The following ATG13 variants were observed in gnomAD, a reference collection of about 807,000 sequenced individuals.
The protein encoded by ATG13 is autophagy-related protein 13.
In ATG13, 23 loss-of-function variants were observed where a neutral mutation model predicts 65.5. That is an observed-to-expected ratio of 0.35 (90% CI 0.25 to 0.50). The LOEUF is 0.50. Among genes scored for constraint, ATG13 ranks in the 20% least tolerant of loss-of-function variants. The probability of loss-of-function intolerance (pLI) is 0.98; values close to 1 mark genes in which losing one functional copy is unlikely to be tolerated. For missense variants in ATG13, 566 were observed against 677.0 expected (o/e 0.84, Z 1.82); for synonymous variants, 252 against 245.2 (o/e 1.03, Z -0.26).
intron 11 of ATG13, 94 bp downstream of exon 11, chr11:46,659,579 A>T: frequency 2.0e-6 from 2 of 1,002,208 alleles, no homozygotes; most frequent in Middle Eastern, 2.1e-4. Context: ...ATCCCTTTTA[A>T]TAGTGGTGGT....
intron 2 of ATG13, among the ~76,000 whole-genome samples, chr11:46,634,380 T>TTTTTCTTTTTAATTTAATTTAG (rs1429816385): frequency 1.3e-5 from 2 of 151,348 alleles, no homozygotes; most frequent in African/African-American, 4.8e-5. Context: ...TTGGATTCTT[T>TTTTTCTTTTTAATTTAATTTAG]TTTTCTTTTT....
At chr11:46,656,854 C>T in intron 8 of ATG13, 2 of 483,692 alleles carry the variant, frequency 4.1e-6, no homozygotes, top group Non-Finnish European at 3.6e-6. Context: ...GTGCTGTTTC[C>T]CTTGCCAATA....
chr11:46,644,141 T>C, intron 2 of ATG13, 138 bp from the exon 3 acceptor site: 1 of 550,808 alleles, frequency 1.8e-6, no homozygotes, highest in East Asian at 3.1e-5. Flanking sequence ...TTTGGTATCT[T>C]TAGTTAAAGG....
Position 46,665,302 on chromosome 11 carries a change from G to A in ATG13, c.1000-81G>A. 3 of 1,519,800 alleles carry A rather than the reference G, an allele frequency of 2.0e-6. No homozygotes were observed. The South Asian group carries it at 3.6e-5, about 18-fold the overall frequency. 94.1% of individuals were successfully genotyped at this position (1,519,800 alleles called of 1,614,324 possible). On this transcript the variant is annotated intron_variant, in intron 13 of 18. Coordinates refer to ENST00000683050, the MANE Select transcript of ATG13 (RefSeq NM_001346311.2). ...GTTGGTGATGGAAAAGTCAAAAGCA[G>A]ATACCATCATGCTAGAATGTGAAGT... is the stretch of plus-strand genomic sequence containing the variant.
At chr11:46,664,120 G>C in intron 12 of ATG13, 25 bp downstream of exon 12, 6 of 1,441,734 alleles carry the variant, frequency 4.2e-6, no homozygotes, top group Non-Finnish European at 4.7e-6. Flanking sequence ...GGAAGAAGGG[G>C]ATATAATCAG....
intron 1 of ATG13, among the ~76,000 whole-genome samples, chr11:46,629,100 G>C (rs2050759614): frequency 6.6e-6 from 1 of 151,926 alleles, no homozygotes; most frequent in Admixed American, 6.6e-5. Context: ...GCGCCACCAT[G>C]CCTGGCTAAT....
intron 11 of ATG13, 39 bp downstream of exon 11, chr11:46,659,524 G>A (rs2060722775): frequency 6.6e-7 from 1 of 1,506,484 alleles, no homozygotes; most frequent in Non-Finnish European, 9.2e-7. Context: ...GTAGTTATTT[G>A]GTATATATAT....
chr11:46,666,014 C>A (rs897921065), intron 14 of ATG13, among the ~76,000 whole-genome samples: 1 of 151,886 alleles, frequency 6.6e-6, no homozygotes, highest in South Asian at 2.1e-4. Flanking sequence ...GTCATATTAC[C>A]TAGGCTGGTC....
chr11:46,634,264 G>GT (rs780631785), intron 2 of ATG13, among the ~76,000 whole-genome samples: 24 of 150,584 alleles, frequency 1.6e-4, no homozygotes, highest in Non-Finnish European at 2.5e-4. Flanking sequence ...CCCAGCTAAC[G>GT]TTTTTTTGCA....
At chr11:46,645,738 G>A in intron 4 of ATG13, 132 bp from the exon 5 acceptor site, 1 of 1,266,450 alleles carries the variant, frequency 7.9e-7, no homozygotes, top group East Asian at 2.5e-5. Flanking sequence ...ATCCCTTATG[G>A]GGAAGGGAGA....
intron 1 of ATG13, among the ~76,000 whole-genome samples, chr11:46,619,965 G>A (rs902166785): frequency 2.7e-5 from 4 of 149,140 alleles, no homozygotes; most frequent in African/African-American, 9.9e-5. Context: ...GGAGGTGGAG[G>A]TTGCAGTGAG....
intron 2 of ATG13, among the ~76,000 whole-genome samples, chr11:46,636,296 A>G (rs2053927680): frequency 6.6e-6 from 1 of 152,062 alleles, no homozygotes; most frequent in East Asian, 1.9e-4. Flanking sequence ...AGTAGCTCAC[A>G]CCTGTAATCC....
chr11:46,646,212 G>A (rs1194358232), intron 5 of ATG13, among the ~76,000 whole-genome samples: 3 of 151,786 alleles, frequency 2.0e-5, no homozygotes, highest in Non-Finnish European at 4.4e-5. Context: ...GCAGTGGAGC[G>A]ATCTCGGCTC....
chr11:46,664,554 C>T (rs1366537730), intron 12 of ATG13, among the ~76,000 whole-genome samples: 2 of 152,172 alleles, frequency 1.3e-5, no homozygotes, highest in Admixed American at 6.5e-5. Flanking sequence ...CTGGGCTTAG[C>T]ACTGAAACAG....
intron 2 of ATG13, among the ~76,000 whole-genome samples, chr11:46,640,465 G>GA (rs1388601247): frequency 6.6e-6 from 1 of 152,122 alleles, no homozygotes; most frequent in Non-Finnish European, 1.5e-5. Flanking sequence ...CTTCAGTAAG[G>GA]AAAAGAAAAC....
At chr11:46,622,350 C>T (rs947111842) in intron 1 of ATG13, among the ~76,000 whole-genome samples, 1 of 151,826 alleles carries the variant, frequency 6.6e-6, no homozygotes, top group South Asian at 2.1e-4. Flanking sequence ...ATCTCCTGAC[C>T]TCGTGATCCG....
chr11:46,623,886 C>T (rs2048560314), intron 1 of ATG13, among the ~76,000 whole-genome samples: 1 of 151,100 alleles, frequency 6.6e-6, no homozygotes, highest in Non-Finnish European at 1.5e-5. Context: ...TATTGTATAA[C>T]TATTATTTTT....
Position 46,672,925 on chromosome 11 carries a change from TC to T in ATG13, c.*594del. On this transcript the variant is annotated 3_prime_UTR_variant, in exon 19 of 19. Transcript: ENST00000683050. ...ATATGACAGGCCTGCCTACCCAAGA[TC>T]AGAACTCCAAAACCACTCCCACCCC... 1.2e-6 allele frequency: 1 copy of T among 814,660 alleles called. No individual in the cohort carries two copies. Among genetic ancestry groups the T allele is most frequent in the Non-Finnish European group, 1.7e-6 (1 of 604,476 alleles). The allele number at this position is 814,660 out of a possible 1,614,324, so 50.5% of individuals were successfully genotyped here.
chr11:46,665,579 C>T (rs983368243), intron 14 of ATG13, 60 bp downstream of exon 14: 1 of 1,579,964 alleles, frequency 6.3e-7, no homozygotes, highest in Non-Finnish European at 8.6e-7. Flanking sequence ...GGCTCCCTGA[C>T]ACACGTGCTT....
Sources: allele counts gnomAD v4.1 joint callset (sites outside exome capture counted in the v4.1 genomes callset), GRCh38; gene constraint gnomAD v4.1.1; transcripts MANE v1.5; gene names NCBI Gene and HGNC (gene_info 2026-07-23, HGNC 2026-07-21).